Variants in BMPR1B observed in about 807,000 individuals in gnomAD.
BMPR1B encodes the protein bone morphogenetic protein receptor type 1B, also known as bone morphogenetic protein receptor type-1B.
In BMPR1B, 12 loss-of-function variants were observed where a neutral mutation model predicts 59.1. The observed-to-expected ratio is 0.20, with a 90% confidence interval of 0.13 to 0.33. BMPR1B has a LOEUF of 0.33. BMPR1B is among the 10% of genes least tolerant of loss of function. The pLI is 1.00. For synonymous variants in BMPR1B, 237 were observed against 207.3 expected (o/e 1.14, Z -1.23); for missense variants, 550 against 610.9 (o/e 0.90, Z 1.05).
chr4:94,775,781 A>T (rs966767707), intron 1 of BMPR1B, among the ~76,000 whole-genome samples: 3 of 152,242 alleles, frequency 2.0e-5, no homozygotes, highest in African/African-American at 7.2e-5. Flanking sequence ...TTCAAATATT[A>T]TTACTACGGT....
At chr4:95,114,079 C>G (rs759195150) in intron 4 of BMPR1B, among the ~76,000 whole-genome samples, 24 of 152,080 alleles carry the variant, frequency 1.6e-4, no homozygotes, top group Non-Finnish European at 2.6e-4. Flanking sequence ...AGCTTAATTT[C>G]TTTATATGAC....
chr4:94,818,300 A>T (rs28501174), intron 1 of BMPR1B, among the ~76,000 whole-genome samples: 61,265 of 151,936 alleles, frequency 0.4, 12,911 homozygotes, highest in African/African-American at 0.54. Context: ...CAGGGGCTCT[A>T]CTAAGTATCT....
intron 3 of BMPR1B, among the ~76,000 whole-genome samples, chr4:95,057,050 A>G (rs1726981598): frequency 6.6e-6 from 1 of 152,190 alleles, no homozygotes; most frequent in Admixed American, 6.5e-5. Flanking sequence ...TCCTGCTGGA[A>G]GCTAAGCTTC....
intron 1 of BMPR1B, among the ~76,000 whole-genome samples, chr4:94,874,593 C>T (rs1726641662): frequency 6.6e-6 from 1 of 152,082 alleles, no homozygotes; most frequent in African/African-American, 2.4e-5. Flanking sequence ...TAACAAAAGG[C>T]TGTAGAAATC....
chr4:94,975,367 T>G (rs1009568140), intron 2 of BMPR1B, among the ~76,000 whole-genome samples: 5 of 140,864 alleles, frequency 3.5e-5, no homozygotes, highest in Non-Finnish European at 7.7e-5. Flanking sequence ...GTTTTTGTTT[T>G]TTTTTTTTTT....
At chr4:94,875,038 A>G (rs993100152) in intron 1 of BMPR1B, among the ~76,000 whole-genome samples, 10 of 152,116 alleles carry the variant, frequency 6.6e-5, no homozygotes, top group African/African-American at 2.4e-4. Context: ...TTTAAGTATC[A>G]AAATCCTTGC....
chr4:95,149,018 G>T, intron 11 of BMPR1B, 95 bp downstream of exon 11: 1 of 1,495,042 alleles, frequency 6.7e-7, no homozygotes, highest in Non-Finnish European at 9.3e-7. Context: ...CTGTCTATAA[G>T]ATCTGGTTTT....
At chr4:95,081,343 A>G (rs578057417) in intron 3 of BMPR1B, among the ~76,000 whole-genome samples, 327 of 152,308 alleles carry the variant, frequency 2.1e-3, no homozygotes, top group Admixed American at 4.0e-3. Context: ...AATTTTTACT[A>G]GAAAGAATGA....
In BMPR1B at chr4:94,871,254, A is replaced by C. The variant is rs553781877; in HGVS notation, c.-182-4577A>C. ...GCTATATGTAAAGTACCGTGTGCTT[A>C]TTATGAGGATTAAATAAGCTAATGC... On this transcript the variant is annotated intron_variant, in intron 1 of 12. Coordinates refer to ENST00000515059, the MANE Select transcript of BMPR1B (RefSeq NM_001203.3). Among the ~76,000 whole-genome samples, 136 of 152,320 alleles carry C rather than the reference A, an allele frequency of 8.9e-4. No homozygotes were observed. In the Middle Eastern group the frequency reaches 0.014, roughly 15 times the overall value.
intron 2 of BMPR1B, among the ~76,000 whole-genome samples, chr4:94,921,752 A>G (rs529571531): frequency 6.6e-6 from 1 of 152,168 alleles, no homozygotes; most frequent in Non-Finnish European, 1.5e-5. Context: ...TATATCAATA[A>G]ATACAACCTA....
chr4:95,002,313 T>G (rs775748086), intron 3 of BMPR1B, among the ~76,000 whole-genome samples: 9 of 152,212 alleles, frequency 5.9e-5, no homozygotes, highest in Non-Finnish European at 1.2e-4. Flanking sequence ...AACGATGATT[T>G]CATTCTTTTT....
intron 2 of BMPR1B, among the ~76,000 whole-genome samples, chr4:94,968,965 C>T (rs17022725): frequency 0.021 from 3,155 of 152,174 alleles, 106 homozygotes; most frequent in African/African-American, 0.072. Context: ...CAGCTTTACC[C>T]TGTTCCTTTT....
At chr4:94,809,436 C>G (rs1261746827) in intron 1 of BMPR1B, among the ~76,000 whole-genome samples, 1 of 152,190 alleles carries the variant, frequency 6.6e-6, no homozygotes, top group African/African-American at 2.4e-5. Context: ...GTTACTATTA[C>G]TCTGCGAAAT....
chr4:95,123,767 A>G (rs773533062), intron 6 of BMPR1B, 43 bp from the exon 7 acceptor site: 23 of 1,450,436 alleles, frequency 1.6e-5, no homozygotes, highest in Middle Eastern at 1.8e-4. Flanking sequence ...TTTTTAAGTA[A>G]AAATATTCTC....
At chr4:94,957,716 T>A (rs996578919) in intron 2 of BMPR1B, among the ~76,000 whole-genome samples, 4 of 152,188 alleles carry the variant, frequency 2.6e-5, no homozygotes, top group African/African-American at 9.7e-5. Flanking sequence ...AAGTATTTCA[T>A]CAACTCTGAG....
At chr4:94,940,667 C>G (rs368667613) in intron 2 of BMPR1B, among the ~76,000 whole-genome samples, 1 of 152,194 alleles carries the variant, frequency 6.6e-6, no homozygotes, top group Non-Finnish European at 1.5e-5. Flanking sequence ...TGCCGTGTCA[C>G]TAGCTATACA....
intron 1 of BMPR1B, among the ~76,000 whole-genome samples, chr4:94,769,826 A>G (rs529798882): frequency 1.3e-5 from 2 of 152,348 alleles, no homozygotes; most frequent in East Asian, 3.9e-4. Flanking sequence ...AAAATTTGGT[A>G]TCAAGTCCTC....
intron 2 of BMPR1B, among the ~76,000 whole-genome samples, chr4:94,941,803 A>G (rs1729524389): frequency 6.6e-6 from 1 of 152,214 alleles, no homozygotes; most frequent in South Asian, 2.1e-4. Flanking sequence ...TAAACTTAAA[A>G]TTATTGATGC....
At chr4:94,879,571 C>A (rs1455794082) in intron 2 of BMPR1B, among the ~76,000 whole-genome samples, 1 of 151,924 alleles carries the variant, frequency 6.6e-6, no homozygotes, top group Non-Finnish European at 1.5e-5. Flanking sequence ...CCACTGTACT[C>A]CAGCTTGGAT....
Sources: gnomAD v4.1 joint callset for allele counts (sites outside exome capture counted in the v4.1 genomes callset) on GRCh38, gnomAD v4.1.1 for gene constraint, MANE v1.5 for transcripts, NCBI Gene and HGNC (gene_info 2026-07-23, HGNC 2026-07-21) for gene names.